The following PTGR1 variants were observed in gnomAD, a reference collection of about 807,000 sequenced individuals.
PTGR1 encodes the protein prostaglandin reductase 1.
PTGR1 carries 23 observed loss-of-function variants against 37.7 expected under a neutral mutation model. That is an observed-to-expected ratio of 0.61 (90% CI 0.44 to 0.86). PTGR1 has a LOEUF of 0.86. Ranked by LOEUF, PTGR1 falls within the 40% of genes least tolerant of loss-of-function variation. The probability of loss-of-function intolerance (pLI) is 0.00; values close to 1 mark genes in which losing one functional copy is unlikely to be tolerated. For synonymous variants in PTGR1, 134 were observed against 140.0 expected, an observed-to-expected ratio of 0.96 and a Z score of 0.30; for missense variants, 351 against 394.3, an observed-to-expected ratio of 0.89 and a Z score of 0.93.
intron 2 of PTGR1, among the ~76,000 whole-genome samples, 192 bp from the exon 3 acceptor site, chr9:111,594,459 A>G (rs1472460564): frequency 1.3e-5 from 2 of 152,062 alleles, no homozygotes; most frequent in African/African-American, 4.8e-5. Context: ...ATTTACCCAT[A>G]TAACAAGCCT....
intron 2 of PTGR1, among the ~76,000 whole-genome samples, chr9:111,596,448 T>C (rs1829782250): frequency 6.6e-6 from 1 of 151,734 alleles, no homozygotes. Context: ...ACCCCGTCTC[T>C]ACTAAAAATG....
At chr9:111,561,148 G>GAGAGAGAGGAA (rs1267075709), downstream of PTGR1, among the ~76,000 whole-genome samples, 20 of 34,848 alleles carry the variant, frequency 5.7e-4, 1 homozygote, top group East Asian at 6.0e-3. Context: ...GGAGAGAGAG[G>GAGAGAGAGGAA]GAGAGAGAGA....
intron 4 of PTGR1, among the ~76,000 whole-genome samples, chr9:111,590,385 G>C (rs573898110): frequency 6.6e-6 from 1 of 151,756 alleles, no homozygotes; most frequent in Admixed American, 6.6e-5. Context: ...TTGAGACCAA[G>C]TCTCACTCTG....
chr9:111,583,892 G>A lies in PTGR1; in HGVS notation c.378-303C>T, dbSNP rs145887462. Among the ~76,000 whole-genome samples the A allele has an allele frequency of 5.7e-3, 866 of 152,294 alleles. 2 individuals carry two copies. The highest frequency in any genetic ancestry group is 0.02 in the African/African-American group (825 of 41,560). Reference sequence around the variant, plus strand: ...TGGAATATCTTTCTCAAACTTTGGGGATTCAAGAAGAGAGAGCTGTGCCTC... The same window carrying A: ...TGGAATATCTTTCTCAAACTTTGGGAATTCAAGAAGAGAGAGCTGTGCCTC... On this transcript the variant is annotated intron_variant, in intron 5 of 9. Coordinates refer to ENST00000407693, the MANE Select transcript of PTGR1 (RefSeq NM_001146108.2).
At chr9:111,573,706 TAA>T in intron 8 of PTGR1, among the ~76,000 whole-genome samples, 1 of 152,062 alleles carries the variant, frequency 6.6e-6, no homozygotes, top group Admixed American at 6.6e-5. Flanking sequence ...CAATAGGAGT[TAA>T]AGAGTCTCTG....
intron 2 of PTGR1, among the ~76,000 whole-genome samples, chr9:111,595,333 T>C (rs1257354328): frequency 1.3e-5 from 2 of 152,256 alleles, no homozygotes; most frequent in Admixed American, 6.5e-5. Context: ...ACACGAATTA[T>C]GTCATTTGAT....
chr9:111,576,352 T>C (rs1829054848), intron 7 of PTGR1: 1 of 1,614,046 alleles, frequency 6.2e-7, no homozygotes. Flanking sequence ...AAGCTTTCCC[T>C]GGTCACTTGC....
intron 8 of PTGR1, among the ~76,000 whole-genome samples, chr9:111,572,256 A>G (rs1205019350): frequency 6.6e-6 from 1 of 152,186 alleles, no homozygotes; most frequent in African/African-American, 2.4e-5. Flanking sequence ...ACCCACATCA[A>G]CTATTCTTTG....
chr9:111,574,975 CA>C, intron 7 of PTGR1, 133 bp from the exon 8 acceptor site: 1 of 647,512 alleles, frequency 1.5e-6, no homozygotes, highest in Non-Finnish European at 2.6e-6. Flanking sequence ...CCCAACAGTG[CA>C]GAAGACTGCA....
At position 111,566,416 on chromosome 9, in the gene PTGR1, G is replaced by A. The variant is rs181624788; in HGVS notation, c.880-3185C>T. Among the ~76,000 whole-genome samples the A allele has an allele frequency of 2.3e-4, 35 of 152,334 alleles. No homozygotes were observed. The East Asian group carries it at 4.2e-3, about 18-fold the overall frequency. ...CACTGCAAGTGCTATACTGGGAAGA[G>A]TGCCAAGCTCCAGTGGCTGCTGGAG... is the stretch of plus-strand genomic sequence containing the variant. On this transcript the variant is annotated intron_variant, in intron 9 of 9. Coordinates refer to ENST00000407693, the MANE Select transcript of PTGR1 (RefSeq NM_001146108.2).
chr9:111,570,010 A>AG (rs1421638140), intron 9 of PTGR1, 81 bp downstream of exon 9: 1 of 1,590,542 alleles, frequency 6.3e-7, no homozygotes, highest in South Asian at 1.1e-5. Flanking sequence ...ATGGGGAAGA[A>AG]TTGGTAGAAC....
In PTGR1 at chr9:111,563,171, T is replaced by C. The variant is rs1396115598; in HGVS notation, c.940A>G (p.Met314Val). ...EGFENMPAAFMGMLKGDNLGK... is the reference protein window; with the variant it reads ...EGFENMPAAFVGMLKGDNLGK... ...AAATTATCTCCTTTCAGCATTCCCA[T>C]AAATGCAGCTGGCATGTTTTCAAAT... is the stretch of plus-strand genomic sequence containing the variant. The change falls in exon 10 of 10, where the codon ATG (methionine) becomes GTG (valine). Residue 314 changes from methionine (M) to valine (V), a missense_variant. Physicochemically the swap from Met to Val is conservative, Grantham distance 21. Transcript: ENST00000407693. The C allele has an allele frequency of 6.2e-7, 1 of 1,613,988 alleles. No individual in the cohort carries two copies. Among genetic ancestry groups the C allele is most frequent in the East Asian group, 2.2e-5 (1 of 44,850 alleles).
At chr9:111,571,177 C>T (rs946625997) in intron 8 of PTGR1, among the ~76,000 whole-genome samples, 6 of 149,514 alleles carry the variant, frequency 4.0e-5, no homozygotes, top group African/African-American at 1.2e-4. Context: ...TTTGGGAGGC[C>T]GAGGCAGGCA....
intron 2 of PTGR1, among the ~76,000 whole-genome samples, chr9:111,595,612 A>T (rs914930339): frequency 2.0e-4 from 30 of 152,186 alleles, no homozygotes; most frequent in Middle Eastern, 3.4e-3. Flanking sequence ...CTACCTGTAA[A>T]CACTCCTTAG....
chr9:111,552,030 T>C (rs1827978545), intron 9 of PTGR1, among the ~76,000 whole-genome samples: 1 of 152,244 alleles, frequency 6.6e-6, no homozygotes, highest in Non-Finnish European at 1.5e-5. Context: ...ATAAATTCTT[T>C]TACCTGTCTA....
chr9:111,583,370 C>A, intron 6 of PTGR1, 102 bp downstream of exon 6: 2 of 948,022 alleles, frequency 2.1e-6, no homozygotes, highest in Non-Finnish European at 3.3e-6. Context: ...AAGAAGACAA[C>A]TAGACTATAA....
chr9:111,578,267 G>C (rs1166457602), intron 7 of PTGR1, among the ~76,000 whole-genome samples: 1 of 151,302 alleles, frequency 6.6e-6, no homozygotes, highest in Non-Finnish European at 1.5e-5. Flanking sequence ...TCGATTGTTG[G>C]GGGGATGGTT....
chr9:111,552,861 A>G (rs562302971), intron 9 of PTGR1, among the ~76,000 whole-genome samples: 4 of 152,304 alleles, frequency 2.6e-5, no homozygotes, highest in South Asian at 2.1e-4. Context: ...AAATTGTTTA[A>G]TGGTTTCATT....
chr9:111,571,365 C>G (rs1828812412), intron 8 of PTGR1, among the ~76,000 whole-genome samples: 2 of 149,610 alleles, frequency 1.3e-5, no homozygotes, highest in African/African-American at 4.8e-5. Context: ...GCTGAGATTG[C>G]ACCACTCCAC....
Sources: allele counts gnomAD v4.1 joint callset (sites outside exome capture counted in the v4.1 genomes callset), GRCh38; gene constraint gnomAD v4.1.1; transcripts MANE v1.5; gene names NCBI Gene and HGNC (gene_info 2026-07-23, HGNC 2026-07-21).